The following ADARB2 variants were observed in gnomAD, a reference collection of about 807,000 sequenced individuals.
The protein encoded by ADARB2 is inactive double-stranded RNA-specific editase B2.
In ADARB2, 25 loss-of-function variants were observed where a neutral mutation model predicts 62.2. The observed-to-expected ratio is 0.40, with a 90% CI of 0.29 to 0.56. The LOEUF (loss-of-function observed/expected upper bound fraction) is 0.56. Ranked by LOEUF, ADARB2 falls within the 20% of genes least tolerant of loss-of-function variation. The pLI, the probability that ADARB2 is intolerant of heterozygous loss-of-function variation, is 0.43. For synonymous variants in ADARB2, 572 were observed against 500.8 expected, an observed-to-expected ratio of 1.14 and a Z score of -1.90; for missense variants, 1,071 against 1,077.4, an observed-to-expected ratio of 0.99 and a Z score of 0.08.
chr10:1,244,282 G>A (rs888608511), intron 4 of ADARB2, among the ~76,000 whole-genome samples: 1 of 152,256 alleles, frequency 6.6e-6, no homozygotes, highest in African/African-American at 2.4e-5. Flanking sequence ...TCAGGTTCCA[G>A]CTTCGTTAAA....
chr10:1,459,542 TC>T (rs1831140570), intron 1 of ADARB2, among the ~76,000 whole-genome samples: 3 of 151,958 alleles, frequency 2.0e-5, no homozygotes, highest in Admixed American at 2.0e-4. Context: ...GGGGGGTGGA[TC>T]ACCTGAGGTC....
chr10:1,462,657 A>G (rs1831191631), intron 1 of ADARB2, among the ~76,000 whole-genome samples: 1 of 148,282 alleles, frequency 6.7e-6, no homozygotes, highest in Non-Finnish European at 1.5e-5. Context: ...GTGTATGTAC[A>G]TGAGTGTATG....
intron 1 of ADARB2, among the ~76,000 whole-genome samples, chr10:1,574,163 G>A (rs116282593): frequency 0.016 from 2,432 of 152,292 alleles, 73 homozygotes; most frequent in African/African-American, 0.055. Flanking sequence ...TCTGCTGAGC[G>A]AGGAGGAGCC....
intron 1 of ADARB2, among the ~76,000 whole-genome samples, chr10:1,503,250 G>T (rs567423787): frequency 5.9e-5 from 9 of 152,112 alleles, no homozygotes; most frequent in Non-Finnish European, 1.3e-4. Flanking sequence ...GCCCAGGCTG[G>T]AGTGCAGCTC....
At chr10:1,607,403 C>T (rs536126152) in intron 1 of ADARB2, among the ~76,000 whole-genome samples, 38 of 152,306 alleles carry the variant, frequency 2.5e-4, no homozygotes, top group African/African-American at 8.7e-4. Flanking sequence ...ATATAGTCCA[C>T]GCTCTGTGTC....
At chr10:1,409,405 C>A (rs1412961213) in intron 1 of ADARB2, among the ~76,000 whole-genome samples, 1 of 152,242 alleles carries the variant, frequency 6.6e-6, no homozygotes, top group Non-Finnish European at 1.5e-5. Context: ...GGGCGTGTGG[C>A]TTGGCCATCG....
At chr10:1,572,600 T>C (rs1832957062) in intron 1 of ADARB2, among the ~76,000 whole-genome samples, 1 of 152,012 alleles carries the variant, frequency 6.6e-6, no homozygotes, top group Non-Finnish European at 1.5e-5. Context: ...CATGCTGGGC[T>C]GAGTACTGAC....
At chr10:1,644,628 C>T (rs886767682) in intron 1 of ADARB2, among the ~76,000 whole-genome samples, 5 of 152,322 alleles carry the variant, frequency 3.3e-5, no homozygotes, top group Middle Eastern at 6.8e-3. Flanking sequence ...GGCGCCTACG[C>T]GGAGTGGACA....
Position 1,406,920 on chromosome 10 carries a change from C to G in ADARB2, c.101-27760G>C, listed in dbSNP as rs558662092. On this transcript the variant is annotated intron_variant, in intron 1 of 9. Transcript: ENST00000381312. ...GAAAAGAGGAGGAGCTTATGCCCCC[C>G]TCGCCAGAAGCAGCCCATCCCCATC... is the stretch of plus-strand genomic sequence containing the variant. 2.0e-5 allele frequency among the ~76,000 whole-genome samples: 3 copies of G among 152,306 alleles called. No homozygotes were observed. The East Asian group carries it at 5.8e-4, about 29-fold the overall frequency.
chr10:1,369,577 G>C (rs1296465097), intron 2 of ADARB2, among the ~76,000 whole-genome samples: 1 of 152,254 alleles, frequency 6.6e-6, no homozygotes, highest in Non-Finnish European at 1.5e-5. Flanking sequence ...GTGATCATTT[G>C]CTTGACTGTG....
chr10:1,669,549 C>T (rs1459314121), intron 1 of ADARB2, among the ~76,000 whole-genome samples: 1 of 151,452 alleles, frequency 6.6e-6, no homozygotes, highest in African/African-American at 2.4e-5. Context: ...CAGGCACACT[C>T]AGAGAGACAC....
At chr10:1,184,750 G>C (rs996807195) in intron 9 of ADARB2, 111 bp downstream of exon 9, 1 of 1,235,800 alleles carries the variant, frequency 8.1e-7, no homozygotes, top group Admixed American at 2.5e-5. Flanking sequence ...GCGCTGTGTC[G>C]TGCATCTCCC....
chr10:1,713,194 G>T (rs1199856972), intron 1 of ADARB2, among the ~76,000 whole-genome samples: 1 of 152,186 alleles, frequency 6.6e-6, no homozygotes, highest in Non-Finnish European at 1.5e-5. Context: ...TACCTGGGGA[G>T]GTGTGGGTGA....
chr10:1,620,429 T>G (rs986774399), intron 1 of ADARB2, among the ~76,000 whole-genome samples: 9 of 152,178 alleles, frequency 5.9e-5, no homozygotes, highest in African/African-American at 2.2e-4. Context: ...CAAAAATGAC[T>G]AAAGAGGAAA....
chr10:1,601,963 G>A (rs942480452), intron 1 of ADARB2, among the ~76,000 whole-genome samples: 3 of 151,670 alleles, frequency 2.0e-5, no homozygotes, highest in Non-Finnish European at 4.4e-5. Flanking sequence ...TCTTAGTAGA[G>A]TCAGCCATCA....
At chr10:1,521,907 C>T (rs944914378) in intron 1 of ADARB2, among the ~76,000 whole-genome samples, 1 of 152,122 alleles carries the variant, frequency 6.6e-6, no homozygotes, top group Non-Finnish European at 1.5e-5. Context: ...CCAAGCTGCG[C>T]CCCGACCACC....
intron 3 of ADARB2, among the ~76,000 whole-genome samples, chr10:1,311,499 T>C (rs1831690764): frequency 6.6e-6 from 1 of 152,094 alleles, no homozygotes; most frequent in Non-Finnish European, 1.5e-5. Context: ...CCTGACGTTG[T>C]TGTTTAATAT....
intron 1 of ADARB2, among the ~76,000 whole-genome samples, chr10:1,464,887 C>G (rs1831232883): frequency 6.6e-6 from 1 of 152,256 alleles, no homozygotes; most frequent in South Asian, 2.1e-4. Context: ...CCGGTGACAC[C>G]AGCCTCAGTC....
intron 1 of ADARB2, among the ~76,000 whole-genome samples, chr10:1,604,902 T>C (rs1029224611): frequency 2.0e-5 from 3 of 152,198 alleles, no homozygotes; most frequent in Admixed American, 6.5e-5. Flanking sequence ...CCCAATTTTA[T>C]CATTTCTGCT....
Sources: allele counts gnomAD v4.1 joint callset (sites outside exome capture counted in the v4.1 genomes callset), GRCh38; gene constraint gnomAD v4.1.1; transcripts MANE v1.5; gene names NCBI Gene and HGNC (gene_info 2026-07-23, HGNC 2026-07-21).